MTMR4: variants seen among roughly 807,000 people sequenced by gnomAD.
The protein encoded by MTMR4 is phosphatidylinositol-3,5-bisphosphate 3-phosphatase MTMR4.
MTMR4 carries 30 observed loss-of-function variants against 125.5 expected under a neutral mutation model. The ratio of observed to expected loss-of-function variants is 0.24; its 90% CI spans 0.18 to 0.32. The LOEUF (loss-of-function observed/expected upper bound fraction) is 0.32, where lower values mean the gene tolerates loss of function less well. Ranked by LOEUF, MTMR4 falls within the 10% of genes least tolerant of loss-of-function variation. The probability of loss-of-function intolerance (pLI) is 1.00; values close to 1 mark genes in which losing one functional copy is unlikely to be tolerated. For synonymous variants in MTMR4, 498 were observed against 564.5 expected, an observed-to-expected ratio of 0.88 and a Z score of 1.67; for missense variants, 1,039 against 1,511.5, an observed-to-expected ratio of 0.69 and a Z score of 5.18.
At chr17:58,513,269 A>AG (rs1159099418) in intron 1 of MTMR4, among the ~76,000 whole-genome samples, 2 of 152,154 alleles carry the variant, frequency 1.3e-5, no homozygotes, top group African/African-American at 4.8e-5. Context: ...TTTCCCTTAG[A>AG]CCCGCATAAG....
chr17:58,500,558 G>A (rs963442411), intron 14 of MTMR4, among the ~76,000 whole-genome samples: 14 of 151,974 alleles, frequency 9.2e-5, no homozygotes, highest in African/African-American at 3.4e-4. Context: ...AGACCATCCT[G>A]GCCAACATGG....
At chr17:58,513,245 G>A (rs1043682447) in intron 1 of MTMR4, among the ~76,000 whole-genome samples, 1 of 152,138 alleles carries the variant, frequency 6.6e-6, no homozygotes, top group African/African-American at 2.4e-5. Flanking sequence ...GAAAACTAAG[G>A]AAAAGAAAGA....
In MTMR4 at chr17:58,494,912, G is replaced by A. The variant is rs920042332; in HGVS notation, c.3252+20C>T. ...TGAACAGAGTAAATAATGGGTGTAT[G>A]GCAGTTGGTGACTACTTACAAAATC... On this transcript the variant is annotated intron_variant, in intron 15 of 17. Transcript: ENST00000682306. The A allele has an allele frequency of 6.2e-7, 1 of 1,605,440 alleles. No individual in the cohort carries two copies. The highest frequency in any genetic ancestry group is 1.3e-5 in the African/African-American group (1 of 74,848).
chr17:58,514,175 G>T, intron 1 of MTMR4, 188 bp downstream of exon 1: 1 of 414,852 alleles, frequency 2.4e-6, no homozygotes, highest in Non-Finnish European at 3.2e-6. Context: ...CCTGGCCTTC[G>T]ACCATCTCCG....
At position 58,512,980 on chromosome 17, in the gene MTMR4, TTA is replaced by T; in HGVS notation, c.46-41_46-40del. 6.7e-7 allele frequency: 1 copy of T among 1,492,744 alleles called. No homozygotes were observed. Among genetic ancestry groups the T allele is most frequent in the Non-Finnish European group, 9.3e-7 (1 of 1,072,656 alleles). The allele number at this position is 1,492,744 out of a possible 1,614,324, so 92.5% of individuals were successfully genotyped here. On this transcript the variant is annotated intron_variant, in intron 1 of 17. Coordinates refer to ENST00000682306, the MANE Select transcript of MTMR4 (RefSeq NM_001378067.1). This position sits in a 1 kb window ranked among gnomAD's most constrained non-coding sequence, Gnocchi z 4.1. ...ACAGTCCTAAGTCACCAAGCTCCAC[TTA>T]GCCCATCAGGCTCATTCTGCTCCTC...
At chr17:58,502,157 AT>A (rs10706856) in intron 14 of MTMR4, among the ~76,000 whole-genome samples, 93,057 of 118,614 alleles carry the variant, frequency 0.78, 36,229 homozygotes, top group East Asian at 0.98. Context: ...GTATTTTACA[AT>A]TTTTTTTTTT....
intron 14 of MTMR4, among the ~76,000 whole-genome samples, chr17:58,502,752 G>A (rs948078684): frequency 2.0e-5 from 3 of 152,218 alleles, no homozygotes; most frequent in African/African-American, 7.2e-5. Flanking sequence ...GAAAGCGTGA[G>A]TGTGGATTTA....
chr17:58,491,930 G>T, intron 17 of MTMR4, 90 bp from the exon 18 acceptor site: 1 of 1,281,624 alleles, frequency 7.8e-7, no homozygotes, highest in Non-Finnish European at 1.1e-6. Flanking sequence ...CTGCACTTTG[G>T]TAGGCTGAGG....
chr17:58,512,733 C>G lies in MTMR4; in HGVS notation c.135+119G>C, dbSNP rs1213732677. On this transcript the variant is annotated intron_variant, in intron 2 of 17. Transcript: ENST00000682306. This position sits in a 1 kb window ranked among gnomAD's most constrained non-coding sequence, Gnocchi z 4.1. ...AGACAAACCCTCCTCCTCCAGAGACCAGGGAACATGAAGCCAGAGCTCTGG... is the reference window on the plus strand; with the variant it reads ...AGACAAACCCTCCTCCTCCAGAGACGAGGGAACATGAAGCCAGAGCTCTGG... 5.4e-6 allele frequency: 5 copies of G among 923,692 alleles called. No homozygotes were observed. Among genetic ancestry groups the G allele is most frequent in the Non-Finnish European group, 8.5e-6 (5 of 588,964 alleles). 57.2% of individuals were successfully genotyped at this position (923,692 alleles called of 1,614,324 possible). A position where few individuals can be genotyped will look rare whatever the true frequency, so the allele number is the denominator to read the frequency against.
At chr17:58,507,664 G>T (rs1975812586) in intron 7 of MTMR4, among the ~76,000 whole-genome samples, 1 of 152,192 alleles carries the variant, frequency 6.6e-6, no homozygotes, top group Non-Finnish European at 1.5e-5. Flanking sequence ...CTCTATTTTA[G>T]CTACAATATT....
At position 58,491,816 on chromosome 17, in the gene MTMR4, A is replaced by G; in HGVS notation, c.3477T>C (p.Ala1159=). 1.2e-6 allele frequency: 2 copies of G among 1,613,384 alleles called. No homozygotes were observed. Among genetic ancestry groups the G allele is most frequent in the Non-Finnish European group, 1.7e-6 (2 of 1,179,374 alleles). The change falls in exon 18 of 18, where the codon GCT becomes GCC. Residue 1159 remains alanine, a synonymous_variant. Coordinates refer to ENST00000682306, the MANE Select transcript of MTMR4 (RefSeq NM_001378067.1). The stretch of plus-strand genomic sequence containing the variant: ...TGGGCAGCTTCAGGTGGCAGCATCC[A>G]GCACAAAATACATTCCCACAATTTC... The part of the protein sequence containing the change: ...HCRNCGNVFC[A]GCCHLKLPIP...
Position 58,504,135 on chromosome 17 carries a change from T to C in MTMR4, c.1613A>G (p.Tyr538Cys). ...NPCEREKRNI[Y>C]KRTCSVWALL... ...CGCCCACACAGAGCAGGTCCGCTTG[T>C]AGATGTTGCGCTTCTCTCGCTCACA... is the stretch of plus-strand genomic sequence containing the variant. Residue 538 changes from tyrosine to cysteine, a missense_variant, in exon 13 of 18, where the codon TAC (tyrosine) becomes TGC (cysteine). By Grantham distance (194) the Tyr-to-Cys change is radical. This residue lies in a region of MTMR4 where 619 missense variants were observed against 714.5 expected (regional missense o/e 0.87). Coordinates refer to ENST00000682306, the MANE Select transcript of MTMR4 (RefSeq NM_001378067.1). This position sits in a 1 kb window ranked among gnomAD's most constrained non-coding sequence, Gnocchi z 7.1. 2 of 1,612,424 alleles carry C rather than the reference T, an allele frequency of 1.2e-6. No homozygotes were observed. Among genetic ancestry groups the C allele is most frequent in the Non-Finnish European group, 1.7e-6 (2 of 1,179,388 alleles).
chr17:58,495,715 G>A lies in MTMR4; in HGVS notation c.2469C>T (p.His823=), dbSNP rs144527325. 391 of 1,614,216 alleles carry A rather than the reference G, an allele frequency of 2.4e-4. No homozygotes were observed. The highest frequency in any genetic ancestry group is 3.3e-4 in the Non-Finnish European group (385 of 1,180,042). ...GTGGGTTGCAAACGGTGCTGAGGCT[G>A]TGATCAAGAACACACTTGGAGGGCA... ...LGVPSKCVLD[H]SLSTVCNPPS... is the part of the protein sequence containing the mutation. The change falls in exon 15 of 18, where the codon CAC becomes CAT. Residue 823 remains histidine, a synonymous_variant. Transcript: ENST00000682306.
At chr17:58,499,242 T>TAAA (rs57477358) in intron 14 of MTMR4, among the ~76,000 whole-genome samples, 1 of 144,812 alleles carries the variant, frequency 6.9e-6, no homozygotes, top group Non-Finnish European at 1.5e-5. Context: ...CTTTTTTTTT[T>TAAA]AAAAAAAAAA....
chr17:58,490,638 G>T lies in MTMR4; in HGVS notation c.*1025C>A, dbSNP rs918681052. Reference sequence around the variant, plus strand: ...CCAAACGCTAAATTCTACCCTCAAGGTGTCAAGTGTTCAGGATAAGAAGCA... The same window carrying T: ...CCAAACGCTAAATTCTACCCTCAAGTTGTCAAGTGTTCAGGATAAGAAGCA... On this transcript the variant is annotated 3_prime_UTR_variant, in exon 18 of 18. Transcript: ENST00000682306. The T allele has an allele frequency of 2.6e-5, 4 of 152,552 alleles. No individual in the cohort carries two copies. The highest frequency in any genetic ancestry group is 5.9e-5 in the Non-Finnish European group (4 of 68,034). 9.4% of individuals were successfully genotyped at this position (152,552 alleles called of 1,614,324 possible).
At position 58,511,317 on chromosome 17, in the gene MTMR4, C is replaced by T. The variant is rs1159546253; in HGVS notation, c.335+112G>A. 4 of 991,990 alleles carry T rather than the reference C, an allele frequency of 4.0e-6. No homozygotes were observed. The Admixed American group carries it at 7.4e-5, about 18-fold the overall frequency. The allele number at this position is 991,990 out of a possible 1,614,324, so 61.4% of individuals were successfully genotyped here. A position where few individuals can be genotyped will look rare whatever the true frequency, so the allele number is the denominator to read the frequency against. ...ACATGGTCTTCACCTTTTCTTCCAA[C>T]TGGGGAAAGTGAGGCAGGATCTTTC... On this transcript the variant is annotated intron_variant, in intron 4 of 17. Coordinates refer to ENST00000682306, the MANE Select transcript of MTMR4 (RefSeq NM_001378067.1).
Position 58,496,268 on chromosome 17 carries a change from G to A in MTMR4, c.1916C>T (p.Thr639Ile), listed in dbSNP as rs771035019. Residue 639 changes from threonine (T) to isoleucine (I), a missense_variant, in exon 15 of 18, where the codon ACT (threonine) becomes ATT (isoleucine). By Grantham distance (89) the Thr-to-Ile change is moderately conservative. This residue lies in a region of MTMR4 where 619 missense variants were observed against 714.5 expected (regional missense o/e 0.87). Transcript: ENST00000682306. ...CAGGTTAGGGTCACTGGATGTACGA[G>A]TCAGGGGGCTGCTTGTGTCACAGGC... ...LSACDTSSPL[T>I]RTSSDPNLNN... 1.2e-6 allele frequency: 2 copies of A among 1,613,788 alleles called. No individual in the cohort carries two copies. The highest frequency in any genetic ancestry group is 8.5e-7 in the Non-Finnish European group (1 of 1,179,946).
At chr17:58,493,836 G>T (rs1975379162) in intron 15 of MTMR4, among the ~76,000 whole-genome samples, 1 of 152,164 alleles carries the variant, frequency 6.6e-6, no homozygotes, top group Non-Finnish European at 1.5e-5. Flanking sequence ...AGGAAGGAAA[G>T]TGTCTGTGTA....
rs1370189505 is a variant in MTMR4 at position 58,490,149 on chromosome 17, C to G, written c.*1514G>C. The G allele has an allele frequency of 2.6e-5, 4 of 152,336 alleles. No homozygotes were observed. The highest frequency in any genetic ancestry group is 2.6e-4 in the Admixed American group (4 of 15,266). 9.4% of individuals were successfully genotyped at this position (152,336 alleles called of 1,614,324 possible). A position where few individuals can be genotyped will look rare whatever the true frequency, so the allele number is the denominator to read the frequency against. The stretch of plus-strand genomic sequence containing the variant: ...AATGATTCTTGTTCTAAATGCAGAT[C>G]CTAGTTATTTTGGAATGAAATGCTG... On this transcript the variant is annotated 3_prime_UTR_variant, in exon 18 of 18. Coordinates refer to ENST00000682306, the MANE Select transcript of MTMR4 (RefSeq NM_001378067.1).
Sources: allele counts gnomAD v4.1 joint callset (sites outside exome capture counted in the v4.1 genomes callset), GRCh38; gene constraint gnomAD v4.1.1; regional missense constraint gnomAD v4.1.1; non-coding constraint Gnocchi (gnomAD v3.1); transcripts MANE v1.5; gene names NCBI Gene and HGNC (gene_info 2026-07-23, HGNC 2026-07-21).